The following ANO2 variants were observed in gnomAD, a reference collection of about 807,000 sequenced individuals.
The protein encoded by ANO2 is anoctamin-2.
A neutral mutation model predicts 124.2 loss-of-function variants in ANO2; 101 were observed. The ratio of observed to expected loss-of-function variants is 0.81; its 90% CI spans 0.69 to 0.96. ANO2 has a LOEUF of 0.96. Among genes scored for constraint, ANO2 ranks in the 40% least tolerant of loss-of-function variants. The probability of loss-of-function intolerance (pLI) is 0.00; values close to 1 mark genes in which losing one functional copy is unlikely to be tolerated. For missense variants in ANO2, 1,293 were observed against 1,274.5 expected (o/e 1.01, Z -0.22); for synonymous variants, 486 against 482.5 (o/e 1.01, Z -0.09).
intron 10 of ANO2, among the ~76,000 whole-genome samples, chr12:5,756,878 G>A (rs1220776183): frequency 3.9e-5 from 6 of 152,248 alleles, no homozygotes; most frequent in Admixed American, 3.9e-4. Flanking sequence ...CTGTCACCAA[G>A]TCCCCTGCTC....
At chr12:5,881,109 C>T (rs75419846) in intron 3 of ANO2, among the ~76,000 whole-genome samples, 34,471 of 152,034 alleles carry the variant, frequency 0.23, 4,442 homozygotes, top group Admixed American at 0.33. Context: ...CTACGTATGT[C>T]TACAGAAAAA....
chr12:5,616,856 A>T (rs1944833863), intron 16 of ANO2, among the ~76,000 whole-genome samples: 1 of 152,138 alleles, frequency 6.6e-6, no homozygotes, highest in African/African-American at 2.4e-5. Context: ...TCTCCAGATC[A>T]CACAGTACCA....
In ANO2 at chr12:5,915,049, G is replaced by A. The variant is rs114730612; in HGVS notation, c.534+5991C>T. Among the ~76,000 whole-genome samples the A allele has an allele frequency of 5.3e-3, 804 of 152,262 alleles. 7 individuals carry two copies. The highest frequency in any genetic ancestry group is 0.019 in the African/African-American group (786 of 41,550). ...CCGCCAGGACTACAGGAAACTCTCT[G>A]GACGCTCAAGGCTGGGGCAGTCTCC... On this transcript the variant is annotated intron_variant, in intron 3 of 24. Coordinates refer to ENST00000682330, the MANE Select transcript of ANO2 (RefSeq NM_001364791.2).
intron 4 of ANO2, among the ~76,000 whole-genome samples, chr12:5,838,481 T>C (rs1439081174): frequency 6.6e-6 from 1 of 152,108 alleles, no homozygotes; most frequent in Non-Finnish European, 1.5e-5. Flanking sequence ...ATATCCACAA[T>C]AAAACACACA....
At chr12:5,859,428 T>C (rs763674246) in intron 3 of ANO2, among the ~76,000 whole-genome samples, 8 of 152,216 alleles carry the variant, frequency 5.3e-5, no homozygotes, top group Non-Finnish European at 1.2e-4. Flanking sequence ...CCTACTTCTC[T>C]AGTTCTTGTT....
intron 3 of ANO2, among the ~76,000 whole-genome samples, chr12:5,907,493 C>T (rs1389985627): frequency 6.6e-6 from 1 of 152,176 alleles, no homozygotes; most frequent in Non-Finnish European, 1.5e-5. Flanking sequence ...ACTGTTAACT[C>T]TCTGTTCATG....
chr12:5,776,865 G>A (rs886296006), intron 10 of ANO2, among the ~76,000 whole-genome samples: 18 of 152,184 alleles, frequency 1.2e-4, no homozygotes, highest in Admixed American at 7.2e-4. Flanking sequence ...GCCTGACTCT[G>A]GAGGTGTATG....
intron 14 of ANO2, among the ~76,000 whole-genome samples, chr12:5,727,766 T>C (rs1950498017): frequency 1.4e-5 from 2 of 147,044 alleles, no homozygotes; most frequent in Admixed American, 6.8e-5. Context: ...GCCTCCCCAG[T>C]AGCTGGGACT....
chr12:5,716,722 T>C (rs1950038974), intron 14 of ANO2, among the ~76,000 whole-genome samples: 1 of 152,178 alleles, frequency 6.6e-6, no homozygotes, highest in Non-Finnish European at 1.5e-5. Flanking sequence ...TACAGGCAAC[T>C]GAACACTACC....
At chr12:5,875,782 G>A (rs183153547) in intron 3 of ANO2, among the ~76,000 whole-genome samples, 4 of 151,846 alleles carry the variant, frequency 2.6e-5, no homozygotes, top group East Asian at 1.9e-4. Flanking sequence ...GCAGCACAAC[G>A]TGGCCACTAG....
intron 14 of ANO2, among the ~76,000 whole-genome samples, chr12:5,670,581 C>A (rs1255876748): frequency 6.6e-6 from 1 of 152,156 alleles, no homozygotes; most frequent in African/African-American, 2.4e-5. Flanking sequence ...ATTGCCCAGG[C>A]TGGAGTACAG....
chr12:5,888,740 G>C (rs1308252805), intron 3 of ANO2, among the ~76,000 whole-genome samples: 1 of 152,322 alleles, frequency 6.6e-6, no homozygotes, highest in African/African-American at 2.4e-5. Context: ...CCTTGAGCTA[G>C]ATACAGAGTG....
At chr12:5,902,500 G>A (rs1438946012) in intron 3 of ANO2, among the ~76,000 whole-genome samples, 2 of 145,580 alleles carry the variant, frequency 1.4e-5, no homozygotes, top group Non-Finnish European at 3.0e-5. Flanking sequence ...CAAGGCGGAG[G>A]AAGACTTGAG....
At chr12:5,735,760 C>T (rs889093939) in intron 13 of ANO2, among the ~76,000 whole-genome samples, 2 of 152,050 alleles carry the variant, frequency 1.3e-5, no homozygotes, top group Non-Finnish European at 2.9e-5. Flanking sequence ...GGAATGAGCT[C>T]GAGACAGAAT....
intron 19 of ANO2, among the ~76,000 whole-genome samples, chr12:5,602,210 G>A (rs1019216037): frequency 3.3e-5 from 5 of 151,602 alleles, no homozygotes; most frequent in African/African-American, 1.2e-4. Flanking sequence ...ACATAGAAAT[G>A]GACAATAGGA....
At chr12:5,946,153 T>A (rs1430195019), upstream of ANO2, 20 of 1,613,798 alleles carry the variant, frequency 1.2e-5, no homozygotes, top group Admixed American at 3.3e-4. The surrounding 1 kb of genome is among the most constrained non-coding windows in gnomAD (Gnocchi z 4.1). Context: ...TCACTGACCT[T>A]CAGGCATGAA....
At chr12:5,675,743 G>T (rs1004283608) in intron 14 of ANO2, among the ~76,000 whole-genome samples, 2 of 152,182 alleles carry the variant, frequency 1.3e-5, no homozygotes, top group East Asian at 3.8e-4. Context: ...CTATAGGAAT[G>T]TTCTCCTTCT....
intron 10 of ANO2, among the ~76,000 whole-genome samples, chr12:5,786,105 C>T (rs1952532810): frequency 6.6e-6 from 1 of 152,124 alleles, no homozygotes; most frequent in African/African-American, 2.4e-5. Flanking sequence ...GTGGTGCTTC[C>T]AATGGATGAA....
chr12:5,837,420 G>A (rs1253404315), intron 4 of ANO2, among the ~76,000 whole-genome samples: 1 of 142,012 alleles, frequency 7.0e-6, no homozygotes, highest in Non-Finnish European at 1.5e-5. Flanking sequence ...CTGGTGCGCT[G>A]CACCCACTAA....
Sources: gnomAD v4.1 joint callset for allele counts (sites outside exome capture counted in the v4.1 genomes callset) on GRCh38, gnomAD v4.1.1 for gene constraint, Gnocchi (gnomAD v3.1) non-coding constraint, MANE v1.5 for transcripts, NCBI Gene and HGNC (gene_info 2026-07-23, HGNC 2026-07-21) for gene names.